The following TBC1D31 variants were observed in gnomAD, a reference collection of about 807,000 sequenced individuals.
TBC1D31 encodes the protein WD repeat domain 67.
TBC1D31 carries 99 observed loss-of-function variants against 132.9 expected under a neutral mutation model. That is an observed-to-expected ratio of 0.74 (90% CI 0.63 to 0.88). The LOEUF (loss-of-function observed/expected upper bound fraction) is 0.88, where lower values mean the gene tolerates loss of function less well. TBC1D31 is among the 40% of genes least tolerant of loss of function. TBC1D31 has a pLI of 0.00. For missense variants in TBC1D31, 1,134 were observed against 1,256.6 expected (o/e 0.90, Z 1.48); for synonymous variants, 385 against 419.4 (o/e 0.92, Z 1.00).
At chr8:123,129,245 T>C in intron 15 of TBC1D31, 27 bp downstream of exon 15, 9 of 1,435,644 alleles carry the variant, frequency 6.3e-6, no homozygotes, top group Non-Finnish European at 8.4e-6. Flanking sequence ...TAAAAAAAAA[T>C]CTGGACATAT....
intron 11 of TBC1D31, among the ~76,000 whole-genome samples, chr8:123,124,081 A>AAAG (rs1554617648): frequency 6.6e-5 from 10 of 151,524 alleles, no homozygotes; most frequent in Non-Finnish European, 8.8e-5. Flanking sequence ...AAAAAAAAAA[A>AAAG]AAGTTGCAAC....
chr8:123,096,179 C>A (rs1200095601), intron 5 of TBC1D31, among the ~76,000 whole-genome samples: 1 of 151,902 alleles, frequency 6.6e-6, no homozygotes. Context: ...CCTATTTAAC[C>A]TCCTTCATCA....
At chr8:123,144,919 T>G (rs898846208) in intron 20 of TBC1D31, 64 bp downstream of exon 20, 2 of 1,483,274 alleles carry the variant, frequency 1.3e-6, no homozygotes, top group Admixed American at 4.5e-5. Context: ...TAGGGTCTAT[T>G]ATTATGATTT....
At chr8:123,098,256 GT>G (rs1020349970) in intron 6 of TBC1D31, among the ~76,000 whole-genome samples, 4 of 152,054 alleles carry the variant, frequency 2.6e-5, no homozygotes, top group Admixed American at 2.6e-4. Flanking sequence ...ATAGTGTTAT[GT>G]TTTTCCCATT....
chr8:123,082,683 T>C lies in TBC1D31; in HGVS notation c.225-19T>C, dbSNP rs112412659. On this transcript the variant is annotated intron_variant, in intron 2 of 21. Coordinates refer to ENST00000287380, the MANE Select transcript of TBC1D31 (RefSeq NM_145647.4). Reference sequence around the variant, plus strand: ...TTATTGGAAGAATTTGTGATACTAATGCAATGATCTCTTAATAGGTTCAAT... The same window carrying C: ...TTATTGGAAGAATTTGTGATACTAACGCAATGATCTCTTAATAGGTTCAAT... The C allele has an allele frequency of 1.4e-3, 2,166 of 1,524,862 alleles. 29 individuals carry two copies. The African/African-American group carries it at 0.025, about 18-fold the overall frequency. 94.5% of individuals were successfully genotyped at this position (1,524,862 alleles called of 1,614,324 possible).
At chr8:123,116,849 A>G (rs1656190384) in intron 10 of TBC1D31, among the ~76,000 whole-genome samples, 1 of 152,242 alleles carries the variant, frequency 6.6e-6, no homozygotes, top group South Asian at 2.1e-4. Flanking sequence ...ATAAATATCC[A>G]TGAGTTCATC....
At position 123,146,342 on chromosome 8, in the gene TBC1D31, C is replaced by A. The variant is rs1822210499; in HGVS notation, c.2974+1487C>A. ...TCACTCCCCATTTCCACTCACTCCC[C>A]CAAGCCCCTGGCAGCTACTAACTAC... On this transcript the variant is annotated intron_variant, in intron 20 of 21. Coordinates refer to ENST00000287380, the MANE Select transcript of TBC1D31 (RefSeq NM_145647.4). 2.0e-5 allele frequency among the ~76,000 whole-genome samples: 3 copies of A among 152,314 alleles called. No individual in the cohort carries two copies. In the South Asian group the frequency reaches 6.2e-4, roughly 32 times the overall value.
chr8:123,095,355 A>G (rs1488377741), intron 5 of TBC1D31, among the ~76,000 whole-genome samples: 1 of 152,200 alleles, frequency 6.6e-6, no homozygotes, highest in Non-Finnish European at 1.5e-5. Flanking sequence ...TTCTTCACTT[A>G]TTAGTTAATA....
In TBC1D31 at chr8:123,109,393, A is replaced by G; in HGVS notation, c.1286A>G (p.Tyr429Cys). 2 of 1,610,492 alleles carry G rather than the reference A, an allele frequency of 1.2e-6. No homozygotes were observed. The highest frequency in any genetic ancestry group is 3.4e-5 in the Admixed American group (2 of 59,600). Residue 429 changes from tyrosine to cysteine, a missense_variant, in exon 9 of 22, where the codon TAC becomes TGC. Coordinates refer to ENST00000287380, the MANE Select transcript of TBC1D31 (RefSeq NM_145647.4). ...GGCTATGGTGAATATCCAACAAAAT[A>G]CAGGTACAATTTAAATTCTGTATGT... ...LKGYGEYPTK[Y>C]RMFIWRSLLQ... is the part of the protein sequence containing the mutation.
intron 17 of TBC1D31, among the ~76,000 whole-genome samples, chr8:123,134,452 T>G (rs534194333): frequency 6.6e-6 from 1 of 151,914 alleles, no homozygotes; most frequent in African/African-American, 2.4e-5. Context: ...ACTTGAGCCC[T>G]GGAGTTCGAG....
In TBC1D31 at chr8:123,126,697, CTT is replaced by C. The variant is rs770267988; in HGVS notation, c.1884+11_1884+12del. The C allele has an allele frequency of 1.3e-4, 201 of 1,589,106 alleles. No individual in the cohort carries two copies. In the African/African-American group the frequency reaches 2.4e-3, roughly 19 times the overall value. On this transcript the variant is annotated intron_variant, in intron 13 of 21. Coordinates refer to ENST00000287380, the MANE Select transcript of TBC1D31 (RefSeq NM_145647.4). The stretch of plus-strand genomic sequence containing the variant: ...TAAAGATGACTTTGAGGTAACGGTC[CTT>C]GTTCTTAAGAGAAGGTTCTCAAATA...
rs939245905 is a variant in TBC1D31 at position 123,085,232 on chromosome 8, T to C, written c.519+892T>C. 2.0e-5 allele frequency among the ~76,000 whole-genome samples: 3 copies of C among 152,226 alleles called. No homozygotes were observed. In the South Asian group the frequency reaches 6.2e-4, roughly 31 times the overall value. On this transcript the variant is annotated intron_variant, in intron 4 of 21. Transcript: ENST00000287380. The stretch of plus-strand genomic sequence containing the variant: ...TATGTAAGTCTTAAGTATTCATTTG[T>C]TAAATTTGACAAATACACACACCTG...
At chr8:123,149,050 A>C (rs1158840398) in intron 20 of TBC1D31, among the ~76,000 whole-genome samples, 3 of 152,184 alleles carry the variant, frequency 2.0e-5, no homozygotes, top group African/African-American at 4.8e-5. Flanking sequence ...TCCGTCTAAA[A>C]AAAAAAAAGT....
At chr8:123,095,741 C>T (rs1048914465) in intron 5 of TBC1D31, among the ~76,000 whole-genome samples, 10 of 152,178 alleles carry the variant, frequency 6.6e-5, no homozygotes, top group Admixed American at 3.3e-4. Context: ...CCAAGCTTAT[C>T]TTGTACAATT....
chr8:123,146,655 A>G (rs1013076682), intron 20 of TBC1D31, among the ~76,000 whole-genome samples: 6 of 152,144 alleles, frequency 3.9e-5, no homozygotes, highest in Admixed American at 2.6e-4. Flanking sequence ...TTGAAGAGTG[A>G]AAATATAGGT....
chr8:123,128,481 A>G lies in TBC1D31; in HGVS notation c.2085A>G (p.Ile695Met). The change falls in exon 14 of 22, where the codon ATA (isoleucine) becomes ATG (methionine). Residue 695 changes from isoleucine to methionine, a missense_variant. By Grantham distance (10) the Ile-to-Met change is conservative (BLOSUM62 1). Transcript: ENST00000287380. The stretch of plus-strand genomic sequence containing the variant: ...ATCAAACACAGGAACGAGAAAGAAT[A>G]AGGAATGATGAATTGGATTACTTAA... ...VDYQTQERER[I>M]RNDELDYLRE... is the part of the protein sequence containing the mutation. The G allele has an allele frequency of 6.2e-7, 1 of 1,612,226 alleles. No homozygotes were observed. Among genetic ancestry groups the G allele is most frequent in the South Asian group, 1.1e-5 (1 of 91,010 alleles).
At chr8:123,119,381 C>A (rs1233891417) in intron 10 of TBC1D31, among the ~76,000 whole-genome samples, 2 of 152,186 alleles carry the variant, frequency 1.3e-5, no homozygotes, top group African/African-American at 4.8e-5. Flanking sequence ...TTATAAAAGA[C>A]TGAAAGCAAA....
rs746079162 is a variant in TBC1D31 at position 123,082,724 on chromosome 8, G to A, written c.247G>A (p.Ala83Thr). The A allele has an allele frequency of 7.4e-6, 12 of 1,611,962 alleles. No homozygotes were observed. The Admixed American group carries it at 1.8e-4, about 25-fold the overall frequency. ...GNRFNLVQRT[A>T]QACTALAFNL... is the part of the protein sequence containing the mutation. ...TAGGTTCAATCTTGTTCAGCGAACA[G>A]CACAAGCTTGCACAGCTCTGGCCTT... Residue 83 changes from alanine (A) to threonine (T), a missense_variant, in exon 3 of 22, where the codon GCA (alanine) becomes ACA (threonine). Physicochemically the swap from Ala to Thr is moderately conservative, Grantham distance 58. Coordinates refer to ENST00000287380, the MANE Select transcript of TBC1D31 (RefSeq NM_145647.4).
At chr8:123,151,725 C>T (rs1208711447) in intron 21 of TBC1D31, 81 bp from the exon 22 acceptor site, 17 of 1,348,200 alleles carry the variant, frequency 1.3e-5, no homozygotes, top group Non-Finnish European at 1.6e-5. Context: ...TTTTACAACA[C>T]ATTTATCTTT....
Sources: allele counts gnomAD v4.1 joint callset (sites outside exome capture counted in the v4.1 genomes callset), GRCh38; gene constraint gnomAD v4.1.1; transcripts MANE v1.5; gene names NCBI Gene and HGNC (gene_info 2026-07-23, HGNC 2026-07-21).